DLG2: variants seen among roughly 807,000 people sequenced by gnomAD.
The protein encoded by DLG2 is discs large MAGUK scaffold protein 2, also known as disks large homolog 2.
In DLG2, 45 loss-of-function variants were observed where a neutral mutation model predicts 132.5. The ratio of observed to expected loss-of-function variants is 0.34; its 90% confidence interval spans 0.27 to 0.44. The LOEUF (loss-of-function observed/expected upper bound fraction) is 0.44, where lower values mean the gene tolerates loss of function less well. Ranked by LOEUF, DLG2 falls within the 20% of genes least tolerant of loss-of-function variation. The pLI, the probability that DLG2 is intolerant of heterozygous loss-of-function variation, is 1.00. For missense variants in DLG2, 1,045 were observed against 1,196.9 expected (o/e 0.87, Z 1.87); for synonymous variants, 424 against 419.6 (o/e 1.01, Z -0.13).
rs780891728 is a variant in DLG2, at chr11:84,714,553, CTCTCTTTCTCTTTCTCTT to C, written c.358-179840_358-179823del. On this transcript the variant is annotated intron_variant, in intron 6 of 27. Coordinates refer to ENST00000376104, the MANE Select transcript of DLG2 (RefSeq NM_001142699.3). The stretch of plus-strand genomic sequence containing the variant: ...TCTTTCTCTTTCTCTTTCTCTTTCT[CTCTCTTTCTCTTTCTCTT>C]TCTCTTTCTCTTTCTCTTTCTCTTT... 8.5e-4 allele frequency among the ~76,000 whole-genome samples: 93 copies of C among 109,246 alleles called. 1 individual carries two copies. Among genetic ancestry groups the C allele is most frequent in the Non-Finnish European group, 1.1e-3 (67 of 59,386 alleles). The allele number at this position is 109,246 out of a possible 152,430, so 71.7% of individuals were successfully genotyped here.
At chr11:84,063,074 A>G (rs2096616909) in intron 10 of DLG2, among the ~76,000 whole-genome samples, 2 of 152,142 alleles carry the variant, frequency 1.3e-5, no homozygotes, top group Admixed American at 1.3e-4. Flanking sequence ...CGTGAGTTCA[A>G]GACCAGCCTG....
intron 16 of DLG2, among the ~76,000 whole-genome samples, chr11:83,840,190 G>A (rs2057235748): frequency 6.6e-6 from 1 of 152,106 alleles, no homozygotes; most frequent in Non-Finnish European, 1.5e-5. Context: ...GGTCCACACT[G>A]TGTCTTCCAC....
At chr11:84,206,232 T>C (rs1408998763) in intron 8 of DLG2, among the ~76,000 whole-genome samples, 2 of 152,096 alleles carry the variant, frequency 1.3e-5, no homozygotes, top group African/African-American at 2.4e-5. Context: ...CCTGCATCTG[T>C]TGAAAACATT....
At chr11:85,043,886 C>A (rs1167587795) in intron 6 of DLG2, among the ~76,000 whole-genome samples, 4 of 151,946 alleles carry the variant, frequency 2.6e-5, no homozygotes, top group African/African-American at 4.8e-5. Context: ...ACCAGTTCCA[C>A]ACTGTCATAA....
chr11:83,521,652 T>G (rs966205823), intron 21 of DLG2, among the ~76,000 whole-genome samples: 2 of 152,194 alleles, frequency 1.3e-5, no homozygotes, highest in African/African-American at 4.8e-5. Context: ...ACTGTCCTCC[T>G]AGTGGGCAGT....
intron 5 of DLG2, among the ~76,000 whole-genome samples, chr11:85,151,481 T>G (rs1321337815): frequency 6.6e-6 from 1 of 152,160 alleles, no homozygotes; most frequent in Non-Finnish European, 1.5e-5. Flanking sequence ...ATTAGTTTTA[T>G]AGTTTAAATA....
At chr11:84,918,738 T>C (rs759193156) in intron 6 of DLG2, among the ~76,000 whole-genome samples, 45 of 152,300 alleles carry the variant, frequency 3.0e-4, no homozygotes, top group Middle Eastern at 3.4e-3. Flanking sequence ...AATCCAGTAC[T>C]ATTCAAACTG....
intron 9 of DLG2, among the ~76,000 whole-genome samples, chr11:84,100,319 C>CTAAAGAGA (rs2092413280): frequency 7.7e-6 from 1 of 129,230 alleles, no homozygotes; most frequent in Non-Finnish European, 1.6e-5. Context: ...ATATATATAT[C>CTAAAGAGA]TCTCTCTCTA....
At chr11:84,033,013 T>C (rs1195726068) in intron 11 of DLG2, among the ~76,000 whole-genome samples, 1 of 152,230 alleles carries the variant, frequency 6.6e-6, no homozygotes, top group Non-Finnish European at 1.5e-5. Context: ...ATATTGTTGC[T>C]CATTGTCGAT....
chr11:84,846,488 T>C (rs1190546953), intron 6 of DLG2, among the ~76,000 whole-genome samples: 1 of 152,168 alleles, frequency 6.6e-6, no homozygotes, highest in African/African-American at 2.4e-5. Context: ...TACTGCTCTC[T>C]ATCTCCATTG....
At chr11:85,382,617 A>C (rs2085983063) in intron 3 of DLG2, among the ~76,000 whole-genome samples, 9 of 152,142 alleles carry the variant, frequency 5.9e-5, no homozygotes, top group Admixed American at 5.9e-4. Context: ...TATTATTGAG[A>C]TATCTAAAGA....
intron 3 of DLG2, among the ~76,000 whole-genome samples, chr11:85,487,121 T>G (rs112807666): frequency 2.0e-5 from 3 of 149,954 alleles, no homozygotes; most frequent in African/African-American, 7.4e-5. Flanking sequence ...CAGCCAACAA[T>G]GTATATACAA....
At chr11:83,764,381 C>CA (rs2094047842) in intron 18 of DLG2, among the ~76,000 whole-genome samples, 2 of 151,934 alleles carry the variant, frequency 1.3e-5, no homozygotes, top group African/African-American at 4.8e-5. Flanking sequence ...TATATTTAGC[C>CA]AAAAAATCAG....
At chr11:83,708,523 T>C (rs2084599967) in intron 18 of DLG2, among the ~76,000 whole-genome samples, 1 of 152,196 alleles carries the variant, frequency 6.6e-6, no homozygotes, top group South Asian at 2.1e-4. Flanking sequence ...TTGGTAATCA[T>C]TCTCAAGACA....
At chr11:84,891,466 T>C (rs2089376233) in intron 6 of DLG2, among the ~76,000 whole-genome samples, 1 of 152,124 alleles carries the variant, frequency 6.6e-6, no homozygotes, top group Admixed American at 6.6e-5. Flanking sequence ...AGAAATACTG[T>C]CACACATAAG....
chr11:84,830,073 C>A (rs1364674568), intron 6 of DLG2, among the ~76,000 whole-genome samples: 1 of 151,584 alleles, frequency 6.6e-6, no homozygotes, highest in Non-Finnish European at 1.5e-5. Flanking sequence ...AAATATCAAA[C>A]ATTAATTACT....
intron 6 of DLG2, among the ~76,000 whole-genome samples, chr11:85,018,418 C>T (rs1382913310): frequency 6.6e-6 from 1 of 151,936 alleles, no homozygotes; most frequent in African/African-American, 2.4e-5. Context: ...CTCTGTCTGA[C>T]ATATGTTTTG....
chr11:83,997,042 C>T (rs577917776), intron 11 of DLG2, among the ~76,000 whole-genome samples: 24 of 151,734 alleles, frequency 1.6e-4, no homozygotes, highest in Middle Eastern at 3.4e-3. Context: ...ATGCTTACTT[C>T]GCGTGACATG....
At chr11:84,230,316 C>T (rs2097073503) in intron 8 of DLG2, among the ~76,000 whole-genome samples, 1 of 152,124 alleles carries the variant, frequency 6.6e-6, no homozygotes, top group South Asian at 2.1e-4. Context: ...CTATAATTAT[C>T]TGTTGTTTAT....
Sources: allele counts gnomAD v4.1 joint callset (sites outside exome capture counted in the v4.1 genomes callset), GRCh38; gene constraint gnomAD v4.1.1; transcripts MANE v1.5; gene names NCBI Gene and HGNC (gene_info 2026-07-23, HGNC 2026-07-21).